Variants in IFT27 observed in about 807,000 individuals in gnomAD.
The protein encoded by IFT27 is intraflagellar transport 27.
In IFT27, 19 loss-of-function variants were observed where a neutral mutation model predicts 23.9. The ratio of observed to expected loss-of-function variants is 0.79; its 90% CI spans 0.55 to 1.16. The LOEUF is 1.16. IFT27 is among the 50% of genes most tolerant of loss of function. The pLI, the probability that IFT27 is intolerant of heterozygous loss-of-function variation, is 0.00. For missense variants in IFT27, 206 were observed against 228.7 expected, an observed-to-expected ratio of 0.90 and a Z score of 0.64; for synonymous variants, 91 against 89.1, an observed-to-expected ratio of 1.02 and a Z score of -0.12.
chr22:36,763,822 C>T, intron 5 of IFT27, 97 bp downstream of exon 5: 2 of 898,668 alleles, frequency 2.2e-6, no homozygotes, highest in South Asian at 1.3e-5. Flanking sequence ...AAGCCCAGGG[C>T]CCCTTCTCCA....
At chr22:36,763,715 C>T (rs1938159393) in intron 5 of IFT27, 5 of 658,974 alleles carry the variant, frequency 7.6e-6, no homozygotes, top group South Asian at 3.3e-5. Context: ...TCCTCATTCC[C>T]GTTTCCTAGA....
In IFT27 at chr22:36,762,660, T is replaced by A. The variant is rs1214122388; in HGVS notation, c.462+244A>T. ...GTCATGATCACCGCACACAAAGCAC[T>A]TGTATTTCTTACTAGTTGAGATACA... is the stretch of plus-strand genomic sequence containing the variant. On this transcript the variant is annotated intron_variant, in intron 6 of 6. Coordinates refer to ENST00000433985, the MANE Select transcript of IFT27 (RefSeq NM_001177701.3). 3 of 373,914 alleles carry A rather than the reference T, an allele frequency of 8.0e-6. No homozygotes were observed. In the East Asian group the frequency reaches 1.2e-4, roughly 15 times the overall value. 23.2% of individuals were successfully genotyped at this position (373,914 alleles called of 1,614,324 possible).
intron 1 of IFT27, among the ~76,000 whole-genome samples, chr22:36,769,395 C>T (rs1482093281): frequency 2.0e-5 from 3 of 152,226 alleles, no homozygotes; most frequent in Non-Finnish European, 2.9e-5. Flanking sequence ...GTCTCTGTCA[C>T]GCAGGCTGAA....
Position 36,766,132 on chromosome 22 carries a change from A to G in IFT27, c.234+6T>C. ...ACAGTCAGGAAAAAGACCACGTGCT[A>G]CTTGCCAATTTATCCAGCATTTCCG... is the stretch of plus-strand genomic sequence containing the variant. On this transcript the variant is annotated splice_donor_region_variant and intron_variant, in intron 4 of 6. Coordinates refer to ENST00000433985, the MANE Select transcript of IFT27 (RefSeq NM_001177701.3). 1 of 1,613,068 alleles carries G rather than the reference A, an allele frequency of 6.2e-7. No homozygotes were observed. The highest frequency in any genetic ancestry group is 1.1e-5 in the South Asian group (1 of 91,052).
At position 36,775,765 on chromosome 22, in the gene IFT27, G is replaced by T; in HGVS notation, c.-58C>A. On this transcript the variant is annotated 5_prime_UTR_variant, in exon 1 of 7. Transcript: ENST00000433985. Reference sequence around the variant, plus strand: ...GGACAAGAGCGGCTGCTAGAGACGCGAGTGGGTGGGCTTCGGGCCCTGGGC... The same window carrying T: ...GGACAAGAGCGGCTGCTAGAGACGCTAGTGGGTGGGCTTCGGGCCCTGGGC... 2 of 1,582,060 alleles carry T rather than the reference G, an allele frequency of 1.3e-6. No homozygotes were observed. Among genetic ancestry groups the T allele is most frequent in the Non-Finnish European group, 1.7e-6 (2 of 1,151,038 alleles).
rs886349007 is a variant in IFT27, at chr22:36,775,961, G to T, written c.-254C>A. ...TGGGCCCGGCTCGAGGCCTGACACG[G>T]CAGTCTGAAAAGGTGCAAGCGAGCG... On this transcript the variant is annotated 5_prime_UTR_variant, in exon 1 of 7. Transcript: ENST00000433985. 31 of 588,656 alleles carry T rather than the reference G, an allele frequency of 5.3e-5. No homozygotes were observed. The highest frequency in any genetic ancestry group is 4.5e-4 in the Middle Eastern group (1 of 2,208). The allele number at this position is 588,656 out of a possible 1,614,324, so 36.5% of individuals were successfully genotyped here. A position where few individuals can be genotyped will look rare whatever the true frequency, so the allele number is the denominator to read the frequency against.
At chr22:36,769,441 G>A (rs1042941751) in intron 1 of IFT27, among the ~76,000 whole-genome samples, 4 of 152,088 alleles carry the variant, frequency 2.6e-5, no homozygotes, top group African/African-American at 7.2e-5. Flanking sequence ...TGCAACCTCC[G>A]CCTCCCGGGT....
At chr22:36,763,319 A>C in intron 5 of IFT27, 2 of 296,940 alleles carry the variant, frequency 6.7e-6, no homozygotes, top group Non-Finnish European at 1.2e-5. Flanking sequence ...GGCCAAATTT[A>C]TGTGAGCCTT....
intron 1 of IFT27, among the ~76,000 whole-genome samples, chr22:36,774,922 CAT>C (rs1202161466): frequency 2.0e-5 from 3 of 152,192 alleles, no homozygotes; most frequent in African/African-American, 7.2e-5. Context: ...CAGTAACATG[CAT>C]ATGTGTTTCG....
chr22:36,767,906 C>A, intron 1 of IFT27, 44 bp from the exon 2 acceptor site: 3 of 1,505,964 alleles, frequency 2.0e-6, no homozygotes, highest in Non-Finnish European at 2.8e-6. Flanking sequence ...TAGTTCTCAT[C>A]TGACTTGAGA....
rs540370255 is a variant in IFT27, at chr22:36,765,985, G to A, written c.234+153C>T. ...CCACTCCTTCTTGCCAAGTATCCAT[G>A]AGTCCTGGGCTGGGAGGAATGCCCC... On this transcript the variant is annotated intron_variant, in intron 4 of 6. Coordinates refer to ENST00000433985, the MANE Select transcript of IFT27 (RefSeq NM_001177701.3). Among the ~76,000 whole-genome samples the A allele has an allele frequency of 1.2e-4, 18 of 152,336 alleles. 1 individual carries two copies. In the South Asian group the frequency reaches 3.7e-3, roughly 32 times the overall value.
intron 6 of IFT27, chr22:36,759,327 C>T (rs1195627238): frequency 6.6e-6 from 1 of 152,212 alleles, no homozygotes; most frequent in African/African-American, 2.4e-5. Flanking sequence ...TTGACAATCA[C>T]CCAGGGCTGG....
intron 6 of IFT27, chr22:36,759,887 C>G (rs1294725904): frequency 6.6e-6 from 1 of 152,206 alleles, no homozygotes; most frequent in Non-Finnish European, 1.5e-5. Context: ...TACCTTTCCT[C>G]GAGGCCAGCT....
At chr22:36,775,640 A>G in intron 1 of IFT27, 34 bp downstream of exon 1, 1 of 1,611,506 alleles carries the variant, frequency 6.2e-7, no homozygotes, top group Non-Finnish European at 8.5e-7. Context: ...GACTCCAGAG[A>G]CCACCGTATT....
At chr22:36,766,100 G>C in intron 4 of IFT27, 38 bp downstream of exon 4, 1 of 1,551,690 alleles carries the variant, frequency 6.4e-7, no homozygotes, top group African/African-American at 1.4e-5. Context: ...TTTGGCAGGA[G>C]GTGGTGACAG....
chr22:36,767,841 G>GTC lies in IFT27; in HGVS notation c.54_55dup (p.Thr19ArgfsTer21). 6.2e-7 allele frequency: 1 copy of GTC among 1,614,160 alleles called. No homozygotes were observed. The highest frequency in any genetic ancestry group is 1.1e-5 in the South Asian group (1 of 91,082). On this transcript the variant is annotated frameshift_variant, in exon 2 of 7. Coordinates refer to ENST00000433985, the MANE Select transcript of IFT27 (RefSeq NM_001177701.3). LOFTEE classifies it high-confidence loss of function. ...ACTGCGGAAGATCTGTGCCAGGGCG[G>GTC]TCTTGCCCACTGCTGGGTCTCCTGT...
At chr22:36,765,472 T>C (rs1245545579) in intron 4 of IFT27, among the ~76,000 whole-genome samples, 1 of 151,598 alleles carries the variant, frequency 6.6e-6, no homozygotes, top group Non-Finnish European at 1.5e-5. Flanking sequence ...ATCACTATCA[T>C]TAGATCTACT....
At chr22:36,771,365 G>C (rs1170185617) in intron 1 of IFT27, among the ~76,000 whole-genome samples, 1 of 152,196 alleles carries the variant, frequency 6.6e-6, no homozygotes, top group Non-Finnish European at 1.5e-5. Flanking sequence ...GCTGGTTTTT[G>C]CCTGGCCCCT....
intron 1 of IFT27, among the ~76,000 whole-genome samples, chr22:36,773,311 T>G (rs571860634): frequency 6.6e-6 from 1 of 151,088 alleles, no homozygotes; most frequent in African/African-American, 2.4e-5. Context: ...TGAGCTAAGG[T>G]TGTGCACCAC....
Sources: allele counts gnomAD v4.1 joint callset (sites outside exome capture counted in the v4.1 genomes callset), GRCh38; gene constraint gnomAD v4.1.1; transcripts MANE v1.5; gene names NCBI Gene and HGNC (gene_info 2026-07-23, HGNC 2026-07-21).